The following GNG7 variants were observed in gnomAD, a reference collection of about 807,000 sequenced individuals.
GNG7 encodes G protein subunit gamma 7.
Under a neutral mutation model 4.0 loss-of-function variants are expected in GNG7, and 1 was observed. That is an observed-to-expected ratio of 0.25 (90% CI 0.09 to 1.18). The LOEUF (loss-of-function observed/expected upper bound fraction) is 1.18. Among genes scored for constraint, GNG7 ranks in the 50% most tolerant of loss-of-function variants. The pLI, the probability that GNG7 is intolerant of heterozygous loss-of-function variation, is 0.50. For synonymous variants in GNG7, 34 were observed against 36.9 expected, an observed-to-expected ratio of 0.92 and a Z score of 0.29; for missense variants, 86 against 91.9, an observed-to-expected ratio of 0.94 and a Z score of 0.26.
intron 2 of GNG7, among the ~76,000 whole-genome samples, chr19:2,570,467 T>G (rs1329706908): frequency 6.6e-6 from 1 of 152,044 alleles, no homozygotes; most frequent in Non-Finnish European, 1.5e-5. Flanking sequence ...TCCAGCCACA[T>G]GTGGATGGGG....
intron 2 of GNG7, among the ~76,000 whole-genome samples, chr19:2,567,154 A>AC (rs35444785): frequency 0.26 from 37,177 of 145,208 alleles, 5,727 homozygotes; most frequent in Non-Finnish European, 0.35. Flanking sequence ...AAAAAAAAAA[A>AC]CACAAAAACA....
intron 2 of GNG7, chr19:2,643,239 G>C (rs971557357): frequency 9.2e-6 from 4 of 434,304 alleles, no homozygotes; most frequent in African/African-American, 6.9e-5. Context: ...GAAATGCAAA[G>C]TCTGAGCCTC....
In GNG7 at chr19:2,677,253, A is replaced by T. The variant is rs1187703062; in HGVS notation, c.-135+25393T>A. Among the ~76,000 whole-genome samples the T allele has an allele frequency of 2.1e-5, 3 of 145,508 alleles. 1 individual carries two copies. In the South Asian group the frequency reaches 6.5e-4, roughly 32 times the overall value. On this transcript the variant is annotated intron_variant, in intron 1 of 4. Transcript: ENST00000382159. ...ATGCCACAGGGGAGCAGAGAATTCC[A>T]TTTTTTTTTTTTTGCTTCAATTCCT...
intron 3 of GNG7, among the ~76,000 whole-genome samples, chr19:2,551,674 A>AAT (rs777494295): frequency 0.22 from 23,590 of 109,632 alleles, 2,635 homozygotes; most frequent in African/African-American, 0.44. Flanking sequence ...ATATTTAAAA[A>AAT]ATATATATAT....
rs1000953328 is a variant in GNG7, at chr19:2,515,204, G to C, written c.82-57C>G. ...GACATAAGAAGAGGCTGGCACACCC[G>C]GGTTCACAGCAGCACCATTCCCAAG... On this transcript the variant is annotated intron_variant, in intron 4 of 4. Transcript: ENST00000382159. 4 of 1,605,840 alleles carry C rather than the reference G, an allele frequency of 2.5e-6. No homozygotes were observed. The African/African-American group carries it at 5.4e-5, about 21-fold the overall frequency.
chr19:2,512,802 G>C lies in GNG7; in HGVS notation c.*2220C>G. ...TCCCAGTTACCAAGATGGCTTGTTG[G>C]AAAGGGTGGAGGCAGGCGGGCTCTC... is the stretch of plus-strand genomic sequence containing the variant. On this transcript the variant is annotated 3_prime_UTR_variant, in exon 5 of 5. Transcript: ENST00000382159. This position sits in a 1 kb window ranked among gnomAD's most constrained non-coding sequence, Gnocchi z 4.7. The C allele has an allele frequency of 4.5e-6, 3 of 670,092 alleles. No individual in the cohort carries two copies. Among genetic ancestry groups the C allele is most frequent in the Non-Finnish European group, 5.5e-6 (3 of 541,584 alleles). The allele number at this position is 670,092 out of a possible 1,614,324, so 41.5% of individuals were successfully genotyped here. A position where few individuals can be genotyped will look rare whatever the true frequency, so the allele number is the denominator to read the frequency against.
intron 1 of GNG7, among the ~76,000 whole-genome samples, chr19:2,659,217 C>T (rs1288581006): frequency 1.3e-5 from 2 of 151,812 alleles, no homozygotes; most frequent in African/African-American, 4.8e-5. Context: ...GATCCGCCCA[C>T]CTTGGCCTCC....
intron 2 of GNG7, among the ~76,000 whole-genome samples, chr19:2,624,528 CAAA>C (rs921061279): frequency 4.8e-5 from 3 of 62,458 alleles, no homozygotes; most frequent in Non-Finnish European, 3.5e-5. Context: ...GACTCCGTCT[CAAA>C]AAAAAAAAAA....
rs1395195311 is a variant in GNG7 at position 2,557,312 on chromosome 19, CAG to C, written c.-77-2126_-77-2125del. On this transcript the variant is annotated intron_variant, in intron 2 of 4. Transcript: ENST00000382159. This position sits in a 1 kb window ranked among gnomAD's most constrained non-coding sequence, Gnocchi z 5.1. Reference sequence around the variant, plus strand: ...ACACACAGAGGTGCACATACACGCACAGACACACATGTGCACACAGACACACA... The same window carrying C: ...ACACACAGAGGTGCACATACACGCACACACACATGTGCACACAGACACACA... Among the ~76,000 whole-genome samples the C allele has an allele frequency of 3.4e-5, 4 of 116,438 alleles. No homozygotes were observed. The highest frequency in any genetic ancestry group is 1.4e-4 in the African/African-American group (4 of 28,522). 76.4% of individuals were successfully genotyped at this position (116,438 alleles called of 152,430 possible).
intron 2 of GNG7, among the ~76,000 whole-genome samples, chr19:2,601,913 A>G (rs1221747165): frequency 1.3e-5 from 2 of 151,888 alleles, no homozygotes; most frequent in Admixed American, 1.3e-4. Flanking sequence ...GAAAGAAGAA[A>G]AGAGAAGACA....
intron 2 of GNG7, among the ~76,000 whole-genome samples, chr19:2,568,152 C>CATACACAT (rs1311875758): frequency 1.2e-3 from 177 of 149,426 alleles, no homozygotes; most frequent in African/African-American, 4.4e-3. Context: ...CACATGCACA[C>CATACACAT]ACATACACAT....
In GNG7 at chr19:2,545,955, A is replaced by AAAAACAAAACAAAAC. The variant is rs71178287; in HGVS notation, c.-38+9179_-38+9193dup. Among the ~76,000 whole-genome samples, 80 of 151,596 alleles carry AAAAACAAAACAAAAC rather than the reference A, an allele frequency of 5.3e-4. No homozygotes were observed. In the East Asian group the frequency reaches 6.0e-3, roughly 11 times the overall value. On this transcript the variant is annotated intron_variant, in intron 3 of 4. Coordinates refer to ENST00000382159, the MANE Select transcript of GNG7 (RefSeq NM_052847.3). ...GGGCAACGGAGCGAGACTCTGCCTC[A>AAAAACAAAACAAAAC]AAAACAAAACAAAACAAAACAAAAC...
chr19:2,606,416 A>G (rs973532421), intron 2 of GNG7, among the ~76,000 whole-genome samples: 3 of 152,010 alleles, frequency 2.0e-5, no homozygotes, highest in African/African-American at 4.8e-5. Flanking sequence ...GCACTTTGGG[A>G]AACTGAGGTG....
chr19:2,538,407 G>A (rs556535087), intron 3 of GNG7: 67 of 393,086 alleles, frequency 1.7e-4, no homozygotes, highest in African/African-American at 1.3e-3. Context: ...AGGATCATTT[G>A]AGGCCAGGAG....
chr19:2,671,441 C>T (rs900753449), intron 1 of GNG7, among the ~76,000 whole-genome samples: 7 of 152,150 alleles, frequency 4.6e-5, no homozygotes, highest in Non-Finnish European at 8.8e-5. Context: ...CTCAAGGTGA[C>T]GTTGTCCGGC....
chr19:2,637,080 C>T (rs1217824775), intron 2 of GNG7, among the ~76,000 whole-genome samples: 1 of 151,908 alleles, frequency 6.6e-6, no homozygotes, highest in East Asian at 1.9e-4. Flanking sequence ...CCTGCACCCC[C>T]CGCATCTCCA....
intron 3 of GNG7, among the ~76,000 whole-genome samples, chr19:2,540,594 A>C (rs976871239): frequency 3.3e-5 from 5 of 152,182 alleles, no homozygotes; most frequent in African/African-American, 4.8e-5. Context: ...AGCAGACAGC[A>C]GGCCTGGGGT....
chr19:2,698,590 G>GA (rs1452349134), intron 1 of GNG7, among the ~76,000 whole-genome samples: 3 of 151,528 alleles, frequency 2.0e-5, no homozygotes, highest in Non-Finnish European at 4.4e-5. Flanking sequence ...AGAAAGAAAA[G>GA]AAAAAAAGAA....
chr19:2,615,058 G>T (rs1360586522), intron 2 of GNG7, among the ~76,000 whole-genome samples: 1 of 152,188 alleles, frequency 6.6e-6, no homozygotes, highest in Non-Finnish European at 1.5e-5. Context: ...TCCTTCCCTG[G>T]CTTCAGTGCT....
Sources: allele counts gnomAD v4.1 joint callset (sites outside exome capture counted in the v4.1 genomes callset), GRCh38; gene constraint gnomAD v4.1.1; non-coding constraint Gnocchi (gnomAD v3.1); transcripts MANE v1.5; gene names NCBI Gene and HGNC (gene_info 2026-07-23, HGNC 2026-07-21).